MRC2: variants seen among roughly 807,000 people sequenced by gnomAD.
MRC2 encodes the protein C-type mannose receptor 2.
A neutral mutation model predicts 206.2 loss-of-function variants in MRC2; 84 were observed. The ratio of observed to expected loss-of-function variants is 0.41; its 90% CI spans 0.34 to 0.49. The LOEUF (loss-of-function observed/expected upper bound fraction) is 0.49. Ranked by LOEUF, MRC2 falls within the 20% of genes least tolerant of loss-of-function variation. The pLI, the probability that MRC2 is intolerant of heterozygous loss-of-function variation, is 0.31. For missense variants in MRC2, 1,676 were observed against 2,001.5 expected (o/e 0.84, Z 3.10); for synonymous variants, 798 against 800.0 (o/e 1.00, Z 0.04).
At chr17:62,628,123 G>T (rs1044170121) in intron 1 of MRC2, among the ~76,000 whole-genome samples, 1 of 152,104 alleles carries the variant, frequency 6.6e-6, no homozygotes, top group Non-Finnish European at 1.5e-5. Flanking sequence ...CCTAGAGGTG[G>T]GGGAGGACCT....
chr17:62,692,325 G>A lies in MRC2; in HGVS notation c.4314G>A (p.Arg1438=). 2 of 1,584,108 alleles carry A rather than the reference G, an allele frequency of 1.3e-6. No individual in the cohort carries two copies. Among genetic ancestry groups the A allele is most frequent in the Non-Finnish European group, 1.7e-6 (2 of 1,165,426 alleles). ...CCGCAGCCCTCATCCTTTACCGGAG[G>A]CGCCAGAGCATCGAGCGCGGGGCCT... The part of the protein sequence containing the change: ...LLTAALILYR[R]RQSIERGAFE... Residue 1438 remains arginine (R), a synonymous_variant, in exon 30 of 30, where the codon AGG becomes AGA. Transcript: ENST00000303375. This position sits in a 1 kb window ranked among gnomAD's most constrained non-coding sequence, Gnocchi z 4.2.
At chr17:62,640,229 T>C (rs1385106662) in intron 1 of MRC2, among the ~76,000 whole-genome samples, 2 of 152,094 alleles carry the variant, frequency 1.3e-5, no homozygotes, top group Non-Finnish European at 2.9e-5. Context: ...ACATTTAATA[T>C]GCACATACTG....
chr17:62,666,566 A>G lies in MRC2; in HGVS notation c.806A>G (p.Gln269Arg), dbSNP rs2147466233. 6.2e-7 allele frequency: 1 copy of G among 1,611,108 alleles called. No individual in the cohort carries two copies. The highest frequency in any genetic ancestry group is 2.2e-5 in the East Asian group (1 of 44,796). Residue 269 changes from glutamine (Q) to arginine (R), a missense_variant, in exon 4 of 30, where the codon CAG (glutamine) becomes CGG (arginine). By Grantham distance (43) the Gln-to-Arg change is conservative. This residue lies in a region of MRC2 where 1,354 missense variants were observed against 1,636.6 expected (regional missense o/e 0.83). Transcript: ENST00000303375. The surrounding 1 kb of genome is among the most constrained non-coding windows in gnomAD (Gnocchi z 5.0). ...GAGGCCTGGGCCAGCTGCGAGCAGC[A>G]GGGTGCGGATCTGCTGAGCATCACG... ...WREAWASCEQ[Q>R]GADLLSITEI...
rs767559282 is a variant in MRC2, at chr17:62,680,383, C to G, written c.2438-35C>G. 16 of 1,613,898 alleles carry G rather than the reference C, an allele frequency of 9.9e-6. No individual in the cohort carries two copies. The highest frequency in any genetic ancestry group is 1.3e-5 in the Non-Finnish European group (15 of 1,179,952). On this transcript the variant is annotated intron_variant, in intron 15 of 29. Coordinates refer to ENST00000303375, the MANE Select transcript of MRC2 (RefSeq NM_006039.5). This position sits in a 1 kb window ranked among gnomAD's most constrained non-coding sequence, Gnocchi z 4.8. ...GGCCAGGAATTCCAGGGAGGGTCTC[C>G]TTTCCTCACAACGTCTTTGTCCTTG...
intron 13 of MRC2, among the ~76,000 whole-genome samples, chr17:62,678,867 C>T (rs1464370206): frequency 6.6e-6 from 1 of 152,134 alleles, no homozygotes; most frequent in Non-Finnish European, 1.5e-5. Context: ...GTGATCCATG[C>T]ACTCATAGGA....
At chr17:62,686,303 A>G (rs182881148) in intron 20 of MRC2, among the ~76,000 whole-genome samples, 79 of 152,238 alleles carry the variant, frequency 5.2e-4, no homozygotes, top group African/African-American at 1.8e-3. Flanking sequence ...AAATACAAAA[A>G]TTAGCCAGGT....
chr17:62,681,277 G>C (rs1344148286), intron 18 of MRC2, 148 bp downstream of exon 18: 8 of 906,838 alleles, frequency 8.8e-6, no homozygotes, highest in Admixed American at 2.8e-5. Flanking sequence ...CTGGGCCTTG[G>C]TTTTCTCATC....
chr17:62,674,107 C>A lies in MRC2; in HGVS notation c.1506C>A (p.Ser502=). The change falls in exon 9 of 30, where the codon TCC becomes TCA. Residue 502 remains serine (S), a synonymous_variant. Coordinates refer to ENST00000303375, the MANE Select transcript of MRC2 (RefSeq NM_006039.5). ...NDSPCNQSLP[S]ICKKAGQLSQ... Reference sequence around the variant, plus strand: ...GTCCCTGTAACCAGTCCTTGCCATCCATCTGCAAGAAGGCAGGCCAGCTGA... The same window carrying A: ...GTCCCTGTAACCAGTCCTTGCCATCAATCTGCAAGAAGGCAGGCCAGCTGA... The A allele has an allele frequency of 6.4e-7, 1 of 1,556,110 alleles. No individual in the cohort carries two copies. Among genetic ancestry groups the A allele is most frequent in the East Asian group, 2.4e-5 (1 of 41,458 alleles).
In MRC2 at chr17:62,676,467, C is replaced by T. The variant is rs572898952; in HGVS notation, c.1770C>T (p.Thr590=). 29 of 1,613,228 alleles carry T rather than the reference C, an allele frequency of 1.8e-5. No individual in the cohort carries two copies. The highest frequency in any genetic ancestry group is 6.7e-5 in the East Asian group (3 of 44,880). Residue 590 remains threonine (T), a synonymous_variant, in exon 11 of 30, where the codon ACC becomes ACT. Transcript: ENST00000303375. ...FWTALQDLNS[T]GSFFWLSGDE... ...CGGCCCTGCAGGACCTCAACAGCAC[C>T]GGCTCCTTCTTCTGGCTCAGTGGGG...
chr17:62,627,827 G>A lies in MRC2; in HGVS notation c.25G>A (p.Ala9Thr). Residue 9 changes from alanine to threonine, a missense_variant, in exon 1 of 30, where the codon GCG becomes ACG. This residue lies in a region of MRC2 where 318 missense variants were observed against 346.7 expected (regional missense o/e 0.92). Transcript: ENST00000303375. ...GATGGGGCCCGGCCGGCCGGCCCCC[G>A]CGCCCTGGCCTCGTCACCTGCTGCG... MGPGRPAPAPWPRHLLRCV... is the reference protein window; with the variant it reads MGPGRPAPTPWPRHLLRCV... 6.9e-7 allele frequency: 1 copy of A among 1,455,114 alleles called. No homozygotes were observed. The highest frequency in any genetic ancestry group is 9.0e-7 in the Non-Finnish European group (1 of 1,111,990). 90.1% of individuals were successfully genotyped at this position (1,455,114 alleles called of 1,614,324 possible).
chr17:62,661,933 A>G (rs1206079739), intron 1 of MRC2, among the ~76,000 whole-genome samples: 2 of 152,098 alleles, frequency 1.3e-5, no homozygotes, highest in Admixed American at 6.5e-5. Flanking sequence ...AATTTTTTCT[A>G]GGACTGATTT....
At chr17:62,673,522 T>C (rs1187678135) in intron 8 of MRC2, among the ~76,000 whole-genome samples, 1 of 151,586 alleles carries the variant, frequency 6.6e-6, no homozygotes, top group Non-Finnish European at 1.5e-5. Context: ...TTTTTTTTTT[T>C]TTTTGAGATG....
rs376890112 is a variant in MRC2 at position 62,653,509 on chromosome 17, T to C, written c.119-11039T>C. ...CCACCCATTCCCTGCCAGAGTGTGATTTAATGTCTTCCTAGAACACAGGAT... is the reference window on the plus strand; with the variant it reads ...CCACCCATTCCCTGCCAGAGTGTGACTTAATGTCTTCCTAGAACACAGGAT... On this transcript the variant is annotated intron_variant, in intron 1 of 29. Coordinates refer to ENST00000303375, the MANE Select transcript of MRC2 (RefSeq NM_006039.5). Among the ~76,000 whole-genome samples, 13 of 152,272 alleles carry C rather than the reference T, an allele frequency of 8.5e-5. No homozygotes were observed. In the South Asian group the frequency reaches 2.7e-3, roughly 32 times the overall value.
intron 1 of MRC2, among the ~76,000 whole-genome samples, chr17:62,632,444 C>T (rs2088253656): frequency 6.6e-6 from 1 of 152,224 alleles, no homozygotes; most frequent in Non-Finnish European, 1.5e-5. Context: ...ATTTCTCTTT[C>T]TCTGACTGTG....
intron 1 of MRC2, among the ~76,000 whole-genome samples, chr17:62,650,204 A>AATAGACACC (rs1251973057): frequency 2.6e-5 from 4 of 152,138 alleles, no homozygotes; most frequent in Non-Finnish European, 4.4e-5. Flanking sequence ...CGTCATTCTT[A>AATAGACACC]ATAGACACCA....
intron 1 of MRC2, among the ~76,000 whole-genome samples, chr17:62,642,121 C>T (rs937016804): frequency 6.6e-6 from 1 of 152,122 alleles, no homozygotes; most frequent in African/African-American, 2.4e-5. Context: ...CCAATAATGT[C>T]CTTTATAGCT....
In MRC2 at chr17:62,636,777, T is replaced by C. The variant is rs1217732028; in HGVS notation, c.118+8857T>C. Among the ~76,000 whole-genome samples the C allele has an allele frequency of 7.2e-5, 11 of 152,244 alleles. 1 individual carries two copies. The highest frequency in any genetic ancestry group is 4.2e-4 in the South Asian group (2 of 4,816). On this transcript the variant is annotated intron_variant, in intron 1 of 29. Transcript: ENST00000303375. Reference sequence around the variant, plus strand: ...TGAGTCACAGCACCTGGCCTGTCGTTGTTTTTTAACTAAAGACAGAGTCTC... The same window carrying C: ...TGAGTCACAGCACCTGGCCTGTCGTCGTTTTTTAACTAAAGACAGAGTCTC...
chr17:62,656,514 T>C (rs1020220130), intron 1 of MRC2, among the ~76,000 whole-genome samples: 34 of 152,224 alleles, frequency 2.2e-4, no homozygotes, highest in African/African-American at 8.0e-4. Context: ...TTAATTTCCC[T>C]TACAGTGCTT....
In MRC2 at chr17:62,680,966, C is replaced by T. The variant is rs2088958612; in HGVS notation, c.2634+6C>T. On this transcript the variant is annotated splice_donor_region_variant and intron_variant, in intron 17 of 29. Coordinates refer to ENST00000303375, the MANE Select transcript of MRC2 (RefSeq NM_006039.5). The surrounding 1 kb of genome is among the most constrained non-coding windows in gnomAD (Gnocchi z 4.8). ...TGAGCCACAACTTGCAGAAGGTGGG[C>T]ATTGGATTGAGCAGGGGGCTGCAGG... is the stretch of plus-strand genomic sequence containing the variant. 6.2e-7 allele frequency: 1 copy of T among 1,612,548 alleles called. No homozygotes were observed. Among genetic ancestry groups the T allele is most frequent in the Admixed American group, 1.7e-5 (1 of 59,978 alleles).
Sources: allele counts gnomAD v4.1 joint callset (sites outside exome capture counted in the v4.1 genomes callset), GRCh38; gene constraint gnomAD v4.1.1; regional missense constraint gnomAD v4.1.1; non-coding constraint Gnocchi (gnomAD v3.1); transcripts MANE v1.5; gene names NCBI Gene and HGNC (gene_info 2026-07-23, HGNC 2026-07-21).